The following PDE4D variants were observed in gnomAD, a reference collection of about 807,000 sequenced individuals.
PDE4D encodes phosphodiesterase 4D.
Under a neutral mutation model 87.4 loss-of-function variants are expected in PDE4D, and 24 were observed. The observed-to-expected ratio is 0.27, with a 90% CI of 0.20 to 0.39. The LOEUF (loss-of-function observed/expected upper bound fraction) is 0.39, where lower values mean the gene tolerates loss of function less well. Among genes scored for constraint, PDE4D ranks in the 10% least tolerant of loss-of-function variants. The probability of loss-of-function intolerance (pLI) is 1.00; values close to 1 mark genes in which losing one functional copy is unlikely to be tolerated. For missense variants in PDE4D, 714 were observed against 1,041.0 expected, an observed-to-expected ratio of 0.69 and a Z score of 4.32; for synonymous variants, 384 against 383.2, an observed-to-expected ratio of 1.00 and a Z score of -0.02.
At chr5:59,496,320 T>C (rs1396348458) in intron 1 of PDE4D, among the ~76,000 whole-genome samples, 1 of 152,082 alleles carries the variant, frequency 6.6e-6, no homozygotes, top group Non-Finnish European at 1.5e-5. Flanking sequence ...GGGGTTTTTA[T>C]AGGCACAGGA....
intron 3 of PDE4D, among the ~76,000 whole-genome samples, chr5:59,952,941 A>G (rs1162550024): frequency 6.6e-6 from 1 of 152,204 alleles, no homozygotes; most frequent in Non-Finnish European, 1.5e-5. Flanking sequence ...CACAGAAACC[A>G]TGAGAGAATA....
At chr5:59,587,058 C>T (rs754455266) in intron 1 of PDE4D, 8 of 907,660 alleles carry the variant, frequency 8.8e-6, no homozygotes, top group Non-Finnish European at 1.1e-5. Flanking sequence ...GTAATTTCTG[C>T]TCTGCAGGAC....
chr5:59,006,059 C>T (rs140640317), intron 6 of PDE4D, among the ~76,000 whole-genome samples: 113 of 152,264 alleles, frequency 7.4e-4, no homozygotes, highest in Middle Eastern at 6.8e-3. Context: ...TGTTTGGGAG[C>T]GCTATGTGAA....
intron 1 of PDE4D, among the ~76,000 whole-genome samples, chr5:59,446,626 G>A (rs182449709): frequency 7.2e-5 from 11 of 152,296 alleles, no homozygotes; most frequent in Admixed American, 2.6e-4. Context: ...ATGTAGCAAA[G>A]GCTCTTTTGA....
At chr5:60,387,355 A>G (rs1453689736) in intron 1 of PDE4D, among the ~76,000 whole-genome samples, 4 of 152,210 alleles carry the variant, frequency 2.6e-5, no homozygotes, top group East Asian at 3.8e-4. Flanking sequence ...TAGAGCCAGT[A>G]TCCATGTTCT....
chr5:60,489,337 TTTTA>T (rs1749392866), upstream of PDE4D, among the ~76,000 whole-genome samples: 1 of 152,244 alleles, frequency 6.6e-6, no homozygotes, highest in Non-Finnish European at 1.5e-5. Flanking sequence ...ATACATAATA[TTTTA>T]TTTGTTTTGT....
In PDE4D at chr5:59,349,847, C is replaced by T. The variant is rs527987885; in HGVS notation, c.456-133879G>A. On this transcript the variant is annotated intron_variant, in intron 1 of 14. Transcript: ENST00000340635. ...GCAGGCCACCTTATAAAACCAATAC[C>T]TTTATATTTATTGCAGAGTTTGTAA... 2.6e-5 allele frequency among the ~76,000 whole-genome samples: 4 copies of T among 152,084 alleles called. No homozygotes were observed. The South Asian group carries it at 8.3e-4, about 32-fold the overall frequency.
intron 5 of PDE4D, among the ~76,000 whole-genome samples, chr5:59,073,453 G>A (rs969800689): frequency 1.1e-4 from 14 of 125,774 alleles, no homozygotes; most frequent in Non-Finnish European, 2.0e-4. Context: ...TGTATTTAAG[G>A]AAGAATGAGA....
At chr5:59,414,791 A>G (rs1311229816) in intron 1 of PDE4D, among the ~76,000 whole-genome samples, 1 of 152,216 alleles carries the variant, frequency 6.6e-6, no homozygotes, top group Non-Finnish European at 1.5e-5. Context: ...GTACTCCTAT[A>G]TGTGGACTAG....
At chr5:59,602,463 G>A (rs775914144) in intron 1 of PDE4D, among the ~76,000 whole-genome samples, 19 of 151,978 alleles carry the variant, frequency 1.3e-4, no homozygotes, top group Admixed American at 2.6e-4. Flanking sequence ...CACTAGCAGC[G>A]AACTATCTGA....
At chr5:59,209,519 C>A (rs950729824) in intron 2 of PDE4D, among the ~76,000 whole-genome samples, 1 of 152,180 alleles carries the variant, frequency 6.6e-6, no homozygotes, top group Non-Finnish European at 1.5e-5. Flanking sequence ...TATGAATAAA[C>A]AACTAATCCA....
chr5:59,805,650 G>A (rs1212248886), intron 1 of PDE4D, among the ~76,000 whole-genome samples: 1 of 152,204 alleles, frequency 6.6e-6, no homozygotes, highest in Non-Finnish European at 1.5e-5. Context: ...GTGAATGCTG[G>A]AGACAGGCAA....
chr5:59,812,212 G>T (rs76058795), intron 1 of PDE4D, among the ~76,000 whole-genome samples: 1 of 152,244 alleles, frequency 6.6e-6, no homozygotes, highest in East Asian at 1.9e-4. Context: ...TGAGGTCCAC[G>T]TCTGAAACCT....
intron 1 of PDE4D, among the ~76,000 whole-genome samples, chr5:59,543,806 A>G (rs941099185): frequency 1.2e-4 from 19 of 152,196 alleles, no homozygotes; most frequent in Admixed American, 6.5e-5. Flanking sequence ...CATCACTTCA[A>G]GTAAACAACT....
intron 1 of PDE4D, among the ~76,000 whole-genome samples, chr5:60,337,582 G>A (rs1407245466): frequency 3.3e-5 from 5 of 151,410 alleles, no homozygotes; most frequent in African/African-American, 4.9e-5. Flanking sequence ...TACAATAAAA[G>A]GGATGGATTT....
chr5:60,430,561 T>TTTTTTTA (rs1554034826), intron 1 of PDE4D, among the ~76,000 whole-genome samples: 2 of 150,800 alleles, frequency 1.3e-5, no homozygotes, highest in African/African-American at 4.9e-5. Context: ...TTTTTTTTTT[T>TTTTTTTA]ATTGATCATT....
intron 1 of PDE4D, among the ~76,000 whole-genome samples, chr5:59,311,336 A>T (rs886091094): frequency 6.6e-6 from 1 of 151,774 alleles, no homozygotes; most frequent in Non-Finnish European, 1.5e-5. Flanking sequence ...CCCCGTCTCT[A>T]CTAAAAATAC....
intron 1 of PDE4D, among the ~76,000 whole-genome samples, chr5:59,807,405 A>G (rs116586865): frequency 3.3e-5 from 5 of 152,228 alleles, no homozygotes; most frequent in African/African-American, 1.2e-4. Flanking sequence ...CAGACATGTC[A>G]CCAGTGTGCA....
At chr5:60,123,544 G>A (rs1778876621) in intron 2 of PDE4D, among the ~76,000 whole-genome samples, 1 of 151,858 alleles carries the variant, frequency 6.6e-6, no homozygotes, top group African/African-American at 2.4e-5. Context: ...TTTACCCCAT[G>A]ATTCAAATTA....
Sources: gnomAD v4.1 joint callset for allele counts (sites outside exome capture counted in the v4.1 genomes callset) on GRCh38, gnomAD v4.1.1 for gene constraint, MANE v1.5 for transcripts, NCBI Gene and HGNC (gene_info 2026-07-23, HGNC 2026-07-21) for gene names.